GRIN2B: variants seen among roughly 807,000 people sequenced by gnomAD.
GRIN2B encodes the protein glutamate receptor ionotropic, NMDA 2B.
A neutral mutation model predicts 114.5 loss-of-function variants in GRIN2B; 5 were observed. The observed-to-expected ratio is 0.04, with a 90% CI of 0.02 to 0.09. GRIN2B has a LOEUF of 0.09. Ranked by LOEUF, GRIN2B falls within the 10% of genes least tolerant of loss-of-function variation. The pLI, the probability that GRIN2B is intolerant of heterozygous loss-of-function variation, is 1.00. For missense variants in GRIN2B, 1,108 were observed against 1,943.5 expected, an observed-to-expected ratio of 0.57 and a Z score of 8.08; for synonymous variants, 787 against 745.1, an observed-to-expected ratio of 1.06 and a Z score of -0.92.
At chr12:13,754,029 A>G (rs1334579045) in intron 3 of GRIN2B, 114 bp from the exon 4 acceptor site, 3 of 674,436 alleles carry the variant, frequency 4.4e-6, no homozygotes, top group East Asian at 5.4e-5. Context: ...TTATTTTTAT[A>G]TAATGCCTTT....
intron 3 of GRIN2B, among the ~76,000 whole-genome samples, chr12:13,818,345 C>T (rs1218106027): frequency 6.6e-6 from 1 of 152,220 alleles, no homozygotes; most frequent in African/African-American, 2.4e-5. Context: ...ATGCCACAGG[C>T]ATATTTCTGG....
At chr12:13,585,875 T>G (rs961547783) in intron 10 of GRIN2B, among the ~76,000 whole-genome samples, 1 of 152,232 alleles carries the variant, frequency 6.6e-6, no homozygotes, top group African/African-American at 2.4e-5. Flanking sequence ...GAGTACCTAC[T>G]CTGCACCAGG....
intron 4 of GRIN2B, among the ~76,000 whole-genome samples, chr12:13,685,528 T>A (rs1591675515): frequency 6.6e-6 from 1 of 152,124 alleles, no homozygotes; most frequent in Admixed American, 6.5e-5. Flanking sequence ...GGAGGGAGGA[T>A]CTTCCAGGGT....
In GRIN2B at chr12:13,615,469, G is replaced by T. The variant is rs1949425261; in HGVS notation, c.1500+24C>A. ...AGGAAAATAAATGAAAATGGAAATG[G>T]AAACAGCCCTTGTGGACACTCACCT... On this transcript the variant is annotated intron_variant, in intron 7 of 13. Coordinates refer to ENST00000609686, the MANE Select transcript of GRIN2B (RefSeq NM_000834.5). The surrounding 1 kb of genome is among the most constrained non-coding windows in gnomAD (Gnocchi z 5.8). 2.5e-6 allele frequency: 4 copies of T among 1,595,606 alleles called. No individual in the cohort carries two copies. Among genetic ancestry groups the T allele is most frequent in the Non-Finnish European group, 3.4e-6 (4 of 1,163,182 alleles).
At chr12:13,824,548 TTA>T (rs1381946621) in intron 3 of GRIN2B, among the ~76,000 whole-genome samples, 5 of 152,130 alleles carry the variant, frequency 3.3e-5, no homozygotes, top group Non-Finnish European at 7.3e-5. Flanking sequence ...TCTATCAATC[TTA>T]TCTTTTCAAA....
chr12:13,897,289 C>T (rs1006547350), intron 2 of GRIN2B, among the ~76,000 whole-genome samples: 16 of 152,234 alleles, frequency 1.1e-4, no homozygotes, highest in South Asian at 4.2e-4. Flanking sequence ...CAGCACCTGT[C>T]CAAATTACCC....
intron 4 of GRIN2B, among the ~76,000 whole-genome samples, chr12:13,746,651 C>G (rs143736990): frequency 8.2e-4 from 125 of 152,252 alleles, no homozygotes; most frequent in African/African-American, 2.4e-3. Flanking sequence ...ATGTTTGTCC[C>G]CCCCAAATCC....
chr12:13,618,242 T>C (rs1444803673), intron 5 of GRIN2B, among the ~76,000 whole-genome samples: 2 of 152,214 alleles, frequency 1.3e-5, no homozygotes, highest in African/African-American at 4.8e-5. Flanking sequence ...AGGTAGGAAT[T>C]GGGAGAGGAG....
At chr12:13,819,771 C>A (rs1864898104) in intron 3 of GRIN2B, among the ~76,000 whole-genome samples, 1 of 152,064 alleles carries the variant, frequency 6.6e-6, no homozygotes, top group Non-Finnish European at 1.5e-5. Context: ...AAATAAACTA[C>A]AAAAAAATCC....
chr12:13,692,760 C>CT (rs71067718), intron 4 of GRIN2B, among the ~76,000 whole-genome samples: 5,397 of 50,924 alleles, frequency 0.11, 485 homozygotes, highest in Non-Finnish European at 0.12. Flanking sequence ...TCTTTCTTTT[C>CT]TTTTTTTTTT....
In GRIN2B at chr12:13,564,590, A is replaced by G. The variant is rs770464893; in HGVS notation, c.2648T>C (p.Val883Ala). 2.8e-5 allele frequency: 46 copies of G among 1,614,048 alleles called. No individual in the cohort carries two copies. The South Asian group carries it at 4.8e-4, about 17-fold the overall frequency. Residue 883 changes from valine to alanine, a missense_variant, in exon 14 of 14, where the codon GTA becomes GCA. Val to Ala is a moderately conservative substitution (Grantham distance 64). Coordinates refer to ENST00000609686, the MANE Select transcript of GRIN2B (RefSeq NM_000834.5). The surrounding 1 kb of genome is among the most constrained non-coding windows in gnomAD (Gnocchi z 4.8). ...CATGGTTGCGGTGGGGGAGTTCATT[A>G]CAGACTGGCGCTCCTCGATCGCCAC... ...HGVAIEERQS[V>A]MNSPTATMNN...
At chr12:13,962,085 T>TACACACACACACACACACACAC (rs754107657) in intron 2 of GRIN2B, among the ~76,000 whole-genome samples, 1 of 60,350 alleles carries the variant, frequency 1.7e-5, no homozygotes, top group Non-Finnish European at 3.5e-5. Flanking sequence ...GTCTCTCTCA[T>TACACACACACACACACACACAC]ACATACACAC....
At chr12:13,708,029 G>T in intron 4 of GRIN2B, among the ~76,000 whole-genome samples, 1 of 152,020 alleles carries the variant, frequency 6.6e-6, no homozygotes. Flanking sequence ...GAACAGGGGA[G>T]TTACAGGCAA....
At chr12:13,611,695 G>T (rs1436677157) in intron 9 of GRIN2B, 30 bp downstream of exon 9, 2 of 1,610,026 alleles carry the variant, frequency 1.2e-6, no homozygotes, top group Non-Finnish European at 1.7e-6. Flanking sequence ...AAAAAAACTG[G>T]GGAAGTGCAG....
chr12:13,690,285 C>CCACACACACACA lies in GRIN2B; in HGVS notation c.1011-14438_1011-14427dup, dbSNP rs72073823. Among the ~76,000 whole-genome samples the CCACACACACACA allele has an allele frequency of 2.2e-3, 318 of 144,770 alleles. 2 individuals are homozygous for CCACACACACACA. The highest frequency in any genetic ancestry group is 4.1e-3 in the Admixed American group (59 of 14,410). 95.0% of individuals were successfully genotyped at this position (144,770 alleles called of 152,430 possible). ...CCACCCACACCCCTTCTATGTCACA[C>CCACACACACACA]CACACACACACACACACACACACAC... On this transcript the variant is annotated intron_variant, in intron 4 of 13. Coordinates refer to ENST00000609686, the MANE Select transcript of GRIN2B (RefSeq NM_000834.5).
At chr12:13,754,321 T>C (rs748624502) in intron 3 of GRIN2B, among the ~76,000 whole-genome samples, 3 of 152,186 alleles carry the variant, frequency 2.0e-5, no homozygotes, top group Non-Finnish European at 4.4e-5. Context: ...TCAAATGAGC[T>C]ATACAAACAC....
At chr12:13,593,064 A>G (rs546550901) in intron 10 of GRIN2B, among the ~76,000 whole-genome samples, 27 of 152,324 alleles carry the variant, frequency 1.8e-4, no homozygotes, top group Non-Finnish European at 2.8e-4. Context: ...AATTTTTCAG[A>G]TGCTGTAAGG....
At chr12:13,576,431 A>T (rs1417342331) in intron 10 of GRIN2B, among the ~76,000 whole-genome samples, 3 of 152,230 alleles carry the variant, frequency 2.0e-5, no homozygotes, top group African/African-American at 7.2e-5. Context: ...CTGAAAAAAT[A>T]ATTTTTAAAC....
intron 10 of GRIN2B, among the ~76,000 whole-genome samples, chr12:13,591,879 GC>G (rs1161979899): frequency 7.2e-5 from 11 of 152,216 alleles, no homozygotes; most frequent in Admixed American, 7.2e-4. Flanking sequence ...ACAGAAATAT[GC>G]TGCCCCCAAG....
Sources: allele counts gnomAD v4.1 joint callset (sites outside exome capture counted in the v4.1 genomes callset), GRCh38; gene constraint gnomAD v4.1.1; non-coding constraint Gnocchi (gnomAD v3.1); transcripts MANE v1.5; gene names NCBI Gene and HGNC (gene_info 2026-07-23, HGNC 2026-07-21).